Variants in ACTL8 observed in about 807,000 individuals in gnomAD.
ACTL8 encodes actin like 8, also known as actin-like protein 8.
A neutral mutation model predicts 9.3 loss-of-function variants in ACTL8; 3 were observed. That is an observed-to-expected ratio of 0.32 (90% confidence interval 0.15 to 0.83). The LOEUF (loss-of-function observed/expected upper bound fraction) is 0.83. ACTL8 is among the 40% of genes least tolerant of loss of function. The probability of loss-of-function intolerance (pLI) is 0.57; values close to 1 mark genes in which losing one functional copy is unlikely to be tolerated. For synonymous variants in ACTL8, 224 were observed against 205.9 expected, an observed-to-expected ratio of 1.09 and a Z score of -0.75; for missense variants, 381 against 492.2, an observed-to-expected ratio of 0.77 and a Z score of 2.14.
intron 1 of ACTL8, among the ~76,000 whole-genome samples, chr1:17,798,983 G>A (rs995195328): frequency 2.0e-5 from 3 of 152,004 alleles, no homozygotes; most frequent in Non-Finnish European, 2.9e-5. Flanking sequence ...GTCCACTCAC[G>A]AGCGAGCTCT....
intron 1 of ACTL8, among the ~76,000 whole-genome samples, chr1:17,757,386 G>A (rs1310189073): frequency 2.0e-5 from 3 of 152,134 alleles, no homozygotes; most frequent in African/African-American, 7.2e-5. Flanking sequence ...GGCATGAATC[G>A]TGAAAGAATG....
intron 1 of ACTL8, among the ~76,000 whole-genome samples, chr1:17,805,377 C>CTTTTTT (rs56870755): frequency 0.018 from 1,786 of 99,904 alleles, 9 homozygotes; most frequent in Non-Finnish European, 0.026. Context: ...TTTTCTTTTT[C>CTTTTTT]TTTTTTTTTT....
intron 1 of ACTL8, among the ~76,000 whole-genome samples, chr1:17,761,275 T>G (rs1002424961): frequency 1.3e-5 from 2 of 151,950 alleles, no homozygotes; most frequent in African/African-American, 4.8e-5. Flanking sequence ...TTGGCCACTG[T>G]GGCATTTAGA....
At chr1:17,779,305 C>T (rs1166991366) in intron 1 of ACTL8, among the ~76,000 whole-genome samples, 2 of 152,184 alleles carry the variant, frequency 1.3e-5, no homozygotes, top group African/African-American at 4.8e-5. Flanking sequence ...TGACCTTCGC[C>T]TTGTACCTTG....
chr1:17,812,565 G>A (rs2066400617), intron 1 of ACTL8, among the ~76,000 whole-genome samples: 1 of 150,772 alleles, frequency 6.6e-6, no homozygotes, highest in African/African-American at 2.4e-5. Flanking sequence ...AAGAAGCTGC[G>A]ACTACAGGCG....
chr1:17,783,342 T>TG (rs1208548741), intron 1 of ACTL8, among the ~76,000 whole-genome samples: 7 of 144,706 alleles, frequency 4.8e-5, no homozygotes, highest in African/African-American at 1.7e-4. Context: ...GGAGTTTTTT[T>TG]TTTTGTTTTG....
chr1:17,807,207 G>A (rs61766680), intron 1 of ACTL8, among the ~76,000 whole-genome samples: 5,848 of 152,202 alleles, frequency 0.038, 132 homozygotes, highest in African/African-American at 0.045. Flanking sequence ...AATTCCATCC[G>A]CAGTCTTCAT....
chr1:17,825,885 G>A lies in ACTL8; in HGVS notation c.467G>A (p.Arg156His), dbSNP rs2053711850. The change falls in exon 3 of 3, where the codon CGC (arginine) becomes CAC (histidine). Residue 156 changes from arginine (R) to histidine (H), a missense_variant. Physicochemically the swap from Arg to His is conservative, Grantham distance 29 (BLOSUM62 0). This residue lies in a region of ACTL8 where 13 missense variants were observed against 35.4 expected (regional missense o/e 0.37). Coordinates refer to ENST00000375406, the MANE Select transcript of ACTL8 (RefSeq NM_030812.3). Reference protein sequence around the residue: ...VVVDSGYGLTRVQPFHQGRPL... With the variant: ...VVVDSGYGLTHVQPFHQGRPL... ...GTTGATTCTGGCTATGGCCTGACCCGCGTGCAGCCTTTCCACCAGGGCCGC... is the reference window on the plus strand; with the variant it reads ...GTTGATTCTGGCTATGGCCTGACCCACGTGCAGCCTTTCCACCAGGGCCGC... The A allele has an allele frequency of 2.0e-5, 32 of 1,613,572 alleles. No individual in the cohort carries two copies. The highest frequency in any genetic ancestry group is 2.7e-5 in the Non-Finnish European group (32 of 1,180,032).
intron 1 of ACTL8, among the ~76,000 whole-genome samples, chr1:17,820,825 T>C (rs1474713456): frequency 2.0e-5 from 3 of 152,106 alleles, no homozygotes; most frequent in African/African-American, 7.2e-5. Flanking sequence ...GATCTGCCCG[T>C]CTTGGCCTCC....
intron 1 of ACTL8, among the ~76,000 whole-genome samples, chr1:17,798,281 G>A (rs80137152): frequency 6.7e-6 from 1 of 149,828 alleles, no homozygotes; most frequent in East Asian, 2.0e-4. Flanking sequence ...ATATTCGCCC[G>A]AGGTGCCCTA....
intron 1 of ACTL8, among the ~76,000 whole-genome samples, chr1:17,808,193 C>T (rs2066371305): frequency 6.6e-6 from 1 of 152,148 alleles, no homozygotes; most frequent in African/African-American, 2.4e-5. Context: ...TCTTGATGAG[C>T]AAACTCTGGA....
chr1:17,782,219 CA>C (rs140451179), intron 1 of ACTL8, among the ~76,000 whole-genome samples: 3,889 of 152,142 alleles, frequency 0.026, 117 homozygotes, highest in African/African-American at 0.071. Context: ...AGTTTGAGGA[CA>C]GGGGGAGGGA....
At chr1:17,763,563 G>C (rs2102674319) in intron 1 of ACTL8, among the ~76,000 whole-genome samples, 1 of 152,284 alleles carries the variant, frequency 6.6e-6, no homozygotes, top group South Asian at 2.1e-4. Flanking sequence ...AGGAGGTTCT[G>C]ACGAATTGGA....
intron 1 of ACTL8, among the ~76,000 whole-genome samples, chr1:17,782,383 T>C (rs554671216): frequency 3.9e-5 from 6 of 152,242 alleles, no homozygotes; most frequent in Non-Finnish European, 8.8e-5. Flanking sequence ...TTGTCATTTT[T>C]TTTTTGTTAA....
chr1:17,791,308 T>C (rs2066238019), intron 1 of ACTL8, among the ~76,000 whole-genome samples: 1 of 152,072 alleles, frequency 6.6e-6, no homozygotes, highest in Non-Finnish European at 1.5e-5. Flanking sequence ...CAGCAGCTGC[T>C]TCAGATGGCT....
chr1:17,811,717 T>C (rs2066393730), intron 1 of ACTL8, among the ~76,000 whole-genome samples: 1 of 152,236 alleles, frequency 6.6e-6, no homozygotes, highest in East Asian at 1.9e-4. Context: ...TTGAAAAGAC[T>C]ATCTTTTCAT....
Position 17,826,239 on chromosome 1 carries a change from G to A in ACTL8, c.821G>A (p.Arg274Gln), listed in dbSNP as rs755865643. 56 of 1,613,158 alleles carry A rather than the reference G, an allele frequency of 3.5e-5. No individual in the cohort carries two copies. The highest frequency in any genetic ancestry group is 5.3e-5 in the African/African-American group (4 of 74,924). The change falls in exon 3 of 3, where the codon CGG becomes CAG. Residue 274 changes from arginine to glutamine, a missense_variant. This residue lies in a region of ACTL8 where 243 missense variants were observed against 276.2 expected (regional missense o/e 0.88). Transcript: ENST00000375406. The surrounding 1 kb of genome is among the most constrained non-coding windows in gnomAD (Gnocchi z 4.5). Reference protein sequence around the residue: ...VFEQPGPSIPRAIVESVESCE... With the variant: ...VFEQPGPSIPQAIVESVESCE... ...GAGCAGCCGGGGCCCAGCATCCCAC[G>A]GGCCATTGTGGAATCCGTGGAGTCC...
chr1:17,805,384 T>C lies in ACTL8; in HGVS notation c.-24-17601T>C, dbSNP rs201673164. 4.6e-4 allele frequency among the ~76,000 whole-genome samples: 29 copies of C among 62,740 alleles called. No individual in the cohort carries two copies. In the South Asian group the frequency reaches 4.8e-3, roughly 10 times the overall value. The allele number at this position is 62,740 out of a possible 152,430, so 41.2% of individuals were successfully genotyped here. ...TATTTTCTTTTTCTTTTTCTTTTTT[T>C]TTTTTTTTTTTTTTTTTTTGAGATT... On this transcript the variant is annotated intron_variant, in intron 1 of 2. Transcript: ENST00000375406.
At position 17,767,343 on chromosome 1, in the gene ACTL8, A is replaced by G. The variant is rs868269529; in HGVS notation, c.-25+11839A>G. Among the ~76,000 whole-genome samples the G allele has an allele frequency of 6.6e-6, 1 of 152,012 alleles. No homozygotes were observed. The highest frequency in any genetic ancestry group is 2.4e-5 in the African/African-American group (1 of 41,362). ...CAGAGCCGGGGGATGAGGCGGAGGC[A>G]GGGGGGCCAGTGTGGGGGCCGTCCC... On this transcript the variant is annotated intron_variant, in intron 1 of 2. Coordinates refer to ENST00000375406, the MANE Select transcript of ACTL8 (RefSeq NM_030812.3). The surrounding 1 kb of genome is among the most constrained non-coding windows in gnomAD (Gnocchi z 4.7).
Sources: gnomAD v4.1 joint callset for allele counts (sites outside exome capture counted in the v4.1 genomes callset) on GRCh38, gnomAD v4.1.1 for gene constraint, gnomAD v4.1.1 regional missense constraint, Gnocchi (gnomAD v3.1) non-coding constraint, MANE v1.5 for transcripts, NCBI Gene and HGNC (gene_info 2026-07-23, HGNC 2026-07-21) for gene names.